Variants in KREMEN2 observed in about 807,000 individuals in gnomAD.
KREMEN2 encodes the protein kremen protein 2.
In KREMEN2, 43 loss-of-function variants were observed where a neutral mutation model predicts 49.8. The ratio of observed to expected loss-of-function variants is 0.86; its 90% CI spans 0.68 to 1.11. KREMEN2 has a LOEUF of 1.11. Among genes scored for constraint, KREMEN2 ranks in the 50% most tolerant of loss-of-function variants. The pLI is 0.00. For synonymous variants in KREMEN2, 355 were observed against 304.9 expected (o/e 1.16, Z -1.71); for missense variants, 686 against 665.7 (o/e 1.03, Z -0.34).
intron 1 of KREMEN2, 40 bp downstream of exon 1, chr16:2,964,654 C>A (rs766346941): frequency 6.6e-6 from 10 of 1,514,958 alleles, no homozygotes; most frequent in Non-Finnish European, 8.9e-6. Flanking sequence ...TTCACCACCC[C>A]TTCCTCGGCC....
In KREMEN2 at chr16:2,967,931, G is replaced by A. The variant is rs1447600464; in HGVS notation, c.1300G>A (p.Asp434Asn). 1.9e-6 allele frequency: 3 copies of A among 1,581,376 alleles called. No homozygotes were observed. The highest frequency in any genetic ancestry group is 2.3e-5 in the East Asian group (1 of 43,586). ...GGTGGCCTTGCCCTGCTCCCCCGGG[G>A]ACCCCCAGGCTGAGGGTTCTGCCGC... Reference protein sequence around the residue: ...RGVALPCSPGDPQAEGSAAGY... With the variant: ...RGVALPCSPGNPQAEGSAAGY... Residue 434 changes from aspartate (D) to asparagine (N), a missense_variant, in exon 9 of 9, where the codon GAC (aspartate) becomes AAC (asparagine). By Grantham distance (23) the Asp-to-Asn change is conservative (BLOSUM62 1). Transcript: ENST00000303746.
Position 2,968,057 on chromosome 16 carries a change from C to G in KREMEN2, c.*37C>G, listed in dbSNP as rs916370117. ...GAGGGTCCGCTGGGCCCGCCGCCGGCGAGATGGACACCTGAGATGCTGTGC... is the reference window on the plus strand; with the variant it reads ...GAGGGTCCGCTGGGCCCGCCGCCGGGGAGATGGACACCTGAGATGCTGTGC... On this transcript the variant is annotated 3_prime_UTR_variant, in exon 9 of 9. Coordinates refer to ENST00000303746, the MANE Select transcript of KREMEN2 (RefSeq NM_172229.3). 3 of 1,512,290 alleles carry G rather than the reference C, an allele frequency of 2.0e-6. No homozygotes were observed. The highest frequency in any genetic ancestry group is 1.2e-5 in the South Asian group (1 of 83,592). The allele number at this position is 1,512,290 out of a possible 1,614,324, so 93.7% of individuals were successfully genotyped here.
chr16:2,967,609 G>A lies in KREMEN2; in HGVS notation c.1178+5G>A. 1 of 1,528,732 alleles carries A rather than the reference G, an allele frequency of 6.5e-7. No individual in the cohort carries two copies. Among genetic ancestry groups the A allele is most frequent in the South Asian group, 1.2e-5 (1 of 83,014 alleles). The allele number at this position is 1,528,732 out of a possible 1,614,324, so 94.7% of individuals were successfully genotyped here. A position where few individuals can be genotyped will look rare whatever the true frequency, so the allele number is the denominator to read the frequency against. On this transcript the variant is annotated splice_donor_5th_base_variant and intron_variant, in intron 8 of 8. Coordinates refer to ENST00000303746, the MANE Select transcript of KREMEN2 (RefSeq NM_172229.3). ...GCTGCGTCCGCTGCGCCGACGGTGC[G>A]GGGCGCTGGGGCAGGGCCTGAGGGC...
chr16:2,964,651 C>T (rs1437686736), intron 1 of KREMEN2, 37 bp downstream of exon 1: 1 of 1,526,464 alleles, frequency 6.6e-7, no homozygotes, highest in Non-Finnish European at 8.9e-7. Context: ...GTGTTCACCA[C>T]CCCTTCCTCG....
Position 2,968,041 on chromosome 16 carries a change from C to T in KREMEN2, c.*21C>T. On this transcript the variant is annotated 3_prime_UTR_variant, in exon 9 of 9. Transcript: ENST00000303746. ...TCTGACTCTGGGCCCCGAGGGTCCG[C>T]TGGGCCCGCCGCCGGCGAGATGGAC... 1 of 1,535,096 alleles carries T rather than the reference C, an allele frequency of 6.5e-7. No individual in the cohort carries two copies. Among genetic ancestry groups the T allele is most frequent in the Non-Finnish European group, 8.7e-7 (1 of 1,145,656 alleles).
rs369555667 is a variant in KREMEN2, at chr16:2,964,295, C to G, written c.-226C>G. On this transcript the variant is annotated 5_prime_UTR_variant, in exon 1 of 9. Transcript: ENST00000303746. ...CGGCCAGATTCCCCCCGGAGAGACC[C>G]GGGTAGGGACAGGGACAGAGAGACG... 4.9e-6 allele frequency: 2 copies of G among 407,662 alleles called. No homozygotes were observed. The highest frequency in any genetic ancestry group is 8.7e-6 in the Non-Finnish European group (2 of 229,852). The allele number at this position is 407,662 out of a possible 1,614,324, so 25.3% of individuals were successfully genotyped here. A position where few individuals can be genotyped will look rare whatever the true frequency, so the allele number is the denominator to read the frequency against.
chr16:2,966,125 C>T lies in KREMEN2; in HGVS notation c.270-15C>T, dbSNP rs1336703770. On this transcript the variant is annotated splice_polypyrimidine_tract_variant and intron_variant, in intron 2 of 8. Transcript: ENST00000303746. This position sits in a 1 kb window ranked among gnomAD's most constrained non-coding sequence, Gnocchi z 8.4. ...TGGGGTGGTGGGAGCCCCACCACCT[C>T]CCTCCCACCCGCAGTAACCCAGACG... 1 of 1,607,496 alleles carries T rather than the reference C, an allele frequency of 6.2e-7. No homozygotes were observed. The highest frequency in any genetic ancestry group is 8.5e-7 in the Non-Finnish European group (1 of 1,176,558).
chr16:2,966,727 G>C lies in KREMEN2; in HGVS notation c.572G>C (p.Cys191Ser), dbSNP rs755785683. 6.2e-7 allele frequency: 1 copy of C among 1,612,018 alleles called. No individual in the cohort carries two copies. Among genetic ancestry groups the C allele is most frequent in the Admixed American group, 1.7e-5 (1 of 60,014 alleles). ...GGACGCCTGGCCCCCGCCACCGACT[G>C]TGACCAGATCTGTTTCGGCCACCCT... ...ARGRLAPATD[C>S]DQICFGHPGQ... Residue 191 changes from cysteine (C) to serine (S), a missense_variant, in exon 5 of 9, where the codon TGT becomes TCT. Physicochemically the swap from Cys to Ser is moderately radical, Grantham distance 112. Transcript: ENST00000303746. The surrounding 1 kb of genome is among the most constrained non-coding windows in gnomAD (Gnocchi z 8.4).
intron 1 of KREMEN2, 21 bp from the exon 2 acceptor site, chr16:2,964,838 G>T: frequency 5.6e-6 from 9 of 1,609,360 alleles, no homozygotes; most frequent in Non-Finnish European, 7.6e-6. Flanking sequence ...GACCTCCCCA[G>T]GCCCTGCCTT....
chr16:2,968,147 C>A lies in KREMEN2; in HGVS notation c.*127C>A. ...CGGCCTCTGGTCGCCTTGGGGAGAC[C>A]AAAAGTCGGACAGGAAACATCTGGT... On this transcript the variant is annotated 3_prime_UTR_variant, in exon 9 of 9. Transcript: ENST00000303746. 1.9e-6 allele frequency: 2 copies of A among 1,080,936 alleles called. No homozygotes were observed. The highest frequency in any genetic ancestry group is 2.7e-6 in the Non-Finnish European group (2 of 738,290). The allele number at this position is 1,080,936 out of a possible 1,614,324, so 67.0% of individuals were successfully genotyped here.
Position 2,967,864 on chromosome 16 carries a change from C to A in KREMEN2, c.1233C>A (p.Gly411=). ...CCCCGGCGCTGGGGGCTTCCAGGGG[C>A]CCCAGGAGAAGCTGGGCTGTGTGGT... ...KGPPALGASR[G]PRRSWAVWYQ... is the part of the protein sequence containing the mutation. Residue 411 remains glycine (G), a synonymous_variant, in exon 9 of 9, where the codon GGC becomes GGA. Transcript: ENST00000303746. 6.4e-7 allele frequency: 1 copy of A among 1,553,714 alleles called. No homozygotes were observed. The highest frequency in any genetic ancestry group is 8.7e-7 in the Non-Finnish European group (1 of 1,149,062).
rs2071813451 is a variant in KREMEN2, at chr16:2,966,173, C to A, written c.303C>A (p.Tyr101Ter). The change falls in exon 3 of 9, where the codon TAC becomes TAA. Residue 101 changes from tyrosine to a stop codon, truncating the protein, a stop_gained. Coordinates refer to ENST00000303746, the MANE Select transcript of KREMEN2 (RefSeq NM_172229.3). LOFTEE classifies it high-confidence loss of function. The surrounding 1 kb of genome is among the most constrained non-coding windows in gnomAD (Gnocchi z 8.4). The stretch of plus-strand genomic sequence containing the variant: ...ACGGTGACGTGCAGCCGTGGTGCTA[C>A]GTGGCTGAGACAGAGGAGGGCATCT... The part of the protein sequence containing the change: ...NPDGDVQPWC[Y>*]VAETEEGIYW... 5 of 1,612,586 alleles carry A rather than the reference C, an allele frequency of 3.1e-6. No homozygotes were observed. Among genetic ancestry groups the A allele is most frequent in the African/African-American group, 1.3e-5 (1 of 75,012 alleles).
chr16:2,964,728 G>C, intron 1 of KREMEN2, 114 bp downstream of exon 1: 2 of 1,382,358 alleles, frequency 1.4e-6, no homozygotes, highest in Non-Finnish European at 2.0e-6. Flanking sequence ...CGGAGCAGCT[G>C]AGCAGCCCGA....
chr16:2,966,073 CG>C lies in KREMEN2; in HGVS notation c.270-63del. ...TGAAGGCCACTTTGAGCATAGGCTG[CG>C]GGGCCGGGCCTGGGTTTGCTATTCT... On this transcript the variant is annotated intron_variant, in intron 2 of 8. Coordinates refer to ENST00000303746, the MANE Select transcript of KREMEN2 (RefSeq NM_172229.3). This position sits in a 1 kb window ranked among gnomAD's most constrained non-coding sequence, Gnocchi z 8.4. 4 of 1,415,370 alleles carry C rather than the reference CG, an allele frequency of 2.8e-6. No individual in the cohort carries two copies. The highest frequency in any genetic ancestry group is 4.0e-6 in the Non-Finnish European group (4 of 1,005,062). 87.7% of individuals were successfully genotyped at this position (1,415,370 alleles called of 1,614,324 possible).
chr16:2,968,197 C>T lies in KREMEN2; in HGVS notation c.*177C>T. 1 of 900,298 alleles carries T rather than the reference C, an allele frequency of 1.1e-6. No individual in the cohort carries two copies. Among genetic ancestry groups the T allele is most frequent in the South Asian group, 1.5e-5 (1 of 65,204 alleles). The allele number at this position is 900,298 out of a possible 1,614,324, so 55.8% of individuals were successfully genotyped here. ...TGCTATTATCTGGGACTTGGCCTGACCGTGGGGGTCCAGATGGTCCAGGCC... is the reference window on the plus strand; with the variant it reads ...TGCTATTATCTGGGACTTGGCCTGATCGTGGGGGTCCAGATGGTCCAGGCC... On this transcript the variant is annotated 3_prime_UTR_variant, in exon 9 of 9. Transcript: ENST00000303746.
chr16:2,967,887 G>A lies in KREMEN2; in HGVS notation c.1256G>A (p.Trp419Ter), dbSNP rs1229730791. 6.4e-7 allele frequency: 1 copy of A among 1,557,896 alleles called. No homozygotes were observed. Among genetic ancestry groups the A allele is most frequent in the South Asian group, 1.2e-5 (1 of 84,670 alleles). Residue 419 changes from tryptophan to a stop codon, truncating the protein, a stop_gained, in exon 9 of 9, where the codon TGG becomes TAG. Coordinates refer to ENST00000303746, the MANE Select transcript of KREMEN2 (RefSeq NM_172229.3). LOFTEE classifies it high-confidence loss of function. ...GGCCCCAGGAGAAGCTGGGCTGTGTGGTACCAACAGCCCCGAGGGGTGGCC... is the reference window on the plus strand; with the variant it reads ...GGCCCCAGGAGAAGCTGGGCTGTGTAGTACCAACAGCCCCGAGGGGTGGCC... Reference protein sequence around the residue: ...SRGPRRSWAVWYQQPRGVALP... With the variant: ...SRGPRRSWAV
In KREMEN2 at chr16:2,967,384, C is replaced by A; in HGVS notation, c.1038C>A (p.Pro346=). Reference sequence around the variant, plus strand: ...GCTCGGCCCAGACCCCCGCGGCGCCCCTCGACGGGGCCAACGTGAGCTGCA... The same window carrying A: ...GCTCGGCCCAGACCCCCGCGGCGCCACTCGACGGGGCCAACGTGAGCTGCA... ...PEGSAQTPAA[P]LDGANVSCSP... is the part of the protein sequence containing the mutation. The change falls in exon 7 of 9, where the codon CCC becomes CCA. Residue 346 remains proline, a synonymous_variant. Coordinates refer to ENST00000303746, the MANE Select transcript of KREMEN2 (RefSeq NM_172229.3). The A allele has an allele frequency of 7.1e-7, 1 of 1,398,674 alleles. No homozygotes were observed. Among genetic ancestry groups the A allele is most frequent in the Admixed American group, 3.6e-5 (1 of 27,998 alleles). The allele number at this position is 1,398,674 out of a possible 1,614,324, so 86.6% of individuals were successfully genotyped here. A position where few individuals can be genotyped will look rare whatever the true frequency, so the allele number is the denominator to read the frequency against.
intron 2 of KREMEN2, among the ~76,000 whole-genome samples, chr16:2,965,434 C>A (rs909000668): frequency 3.9e-5 from 6 of 152,074 alleles, no homozygotes; most frequent in African/African-American, 9.7e-5. Flanking sequence ...ATGGACCCAG[C>A]GGGAGGAGAG....
At chr16:2,965,128 C>G in intron 2 of KREMEN2, 95 bp downstream of exon 2, 1 of 777,860 alleles carries the variant, frequency 1.3e-6, no homozygotes, top group Non-Finnish European at 1.6e-6. Flanking sequence ...TGGAGGTCTG[C>G]CGTGGACTGG....
Sources: gnomAD v4.1 joint callset for allele counts (sites outside exome capture counted in the v4.1 genomes callset) on GRCh38, gnomAD v4.1.1 for gene constraint, Gnocchi (gnomAD v3.1) non-coding constraint, MANE v1.5 for transcripts, NCBI Gene and HGNC (gene_info 2026-07-23, HGNC 2026-07-21) for gene names.